Variants in ACACB observed in about 807,000 individuals in gnomAD.
The protein encoded by ACACB is acetyl-CoA carboxylase beta.
In ACACB, 209 loss-of-function variants were observed where a neutral mutation model predicts 278.8. The ratio of observed to expected loss-of-function variants is 0.75; its 90% CI spans 0.67 to 0.84. The LOEUF (loss-of-function observed/expected upper bound fraction) is 0.84. Among genes scored for constraint, ACACB ranks in the 40% least tolerant of loss-of-function variants. The pLI is 0.00. For synonymous variants in ACACB, 1,174 were observed against 1,285.6 expected (o/e 0.91, Z 1.86); for missense variants, 2,850 against 3,269.0 (o/e 0.87, Z 3.13).
At chr12:109,178,682 A>T (rs1010136490) in intron 9 of ACACB, among the ~76,000 whole-genome samples, 1 of 152,240 alleles carries the variant, frequency 6.6e-6, no homozygotes, top group African/African-American at 2.4e-5. Flanking sequence ...TGGAGGAAGT[A>T]TGAAAATATG....
At position 109,232,663 on chromosome 12, in the gene ACACB, T is replaced by C. The variant is rs3742027; in HGVS notation, c.4002-6T>C. ...GCCTCATCCCCGACTTGCCATCACC[T>C]TACAGGATGACCGTGCCCATCAGCA... On this transcript the variant is annotated splice_polypyrimidine_tract_variant and splice_region_variant and intron_variant, in intron 28 of 52. Coordinates refer to ENST00000338432, the MANE Select transcript of ACACB (RefSeq NM_001093.4). 0.89 allele frequency: 1,436,963 copies of C among 1,613,308 alleles called. 642,156 individuals are homozygous for C. The highest frequency in any genetic ancestry group is 0.98 in the African/African-American group (73,528 of 75,012).
At chr12:109,208,995 G>A (rs1011665539) in intron 20 of ACACB, among the ~76,000 whole-genome samples, 170 bp from the exon 21 acceptor site, 2 of 152,150 alleles carry the variant, frequency 1.3e-5, no homozygotes, top group African/African-American at 4.8e-5. Context: ...TTCCCCTGTG[G>A]TCAGGGGGCC....
In ACACB at chr12:109,209,373, GCCCC is replaced by G; in HGVS notation, c.3249+21_3249+24del. 1 of 1,595,622 alleles carries G rather than the reference GCCCC, an allele frequency of 6.3e-7. No homozygotes were observed. On this transcript the variant is annotated intron_variant, in intron 21 of 52. Transcript: ENST00000338432. ...CAGCAGGTGCGTGCTCCCCTGCCCA[GCCCC>G]ACCCCACCAGGATGGTCACACTGGG... is the stretch of plus-strand genomic sequence containing the variant.
intron 43 of ACACB, 70 bp from the exon 44 acceptor site, chr12:109,254,144 C>A: frequency 6.3e-7 from 1 of 1,576,036 alleles, no homozygotes; most frequent in East Asian, 2.3e-5. Context: ...GTCAGAGGAG[C>A]AAAGTGCTGA....
Position 109,180,850 on chromosome 12 carries a change from T to A in ACACB, c.1818+763T>A, listed in dbSNP as rs183690017. Reference sequence around the variant, plus strand: ...CCAATTATACTCTTTTAGTTAATTTTAAAATGTACAATAAATTATTGTTGA... The same window carrying A: ...CCAATTATACTCTTTTAGTTAATTTAAAAATGTACAATAAATTATTGTTGA... On this transcript the variant is annotated intron_variant, in intron 11 of 52. Coordinates refer to ENST00000338432, the MANE Select transcript of ACACB (RefSeq NM_001093.4). Among the ~76,000 whole-genome samples the A allele has an allele frequency of 6.6e-5, 10 of 152,346 alleles. No homozygotes were observed. In the South Asian group the frequency reaches 8.3e-4, roughly 13 times the overall value.
At chr12:109,202,630 T>A (rs1480773699) in intron 19 of ACACB, among the ~76,000 whole-genome samples, 1 of 152,204 alleles carries the variant, frequency 6.6e-6, no homozygotes, top group Non-Finnish European at 1.5e-5. Flanking sequence ...TAATTACTAT[T>A]GTTATCAATT....
intron 33 of ACACB, chr12:109,236,411 G>A (rs1197292717): frequency 6.6e-6 from 1 of 152,412 alleles, no homozygotes; most frequent in Non-Finnish European, 1.5e-5. Flanking sequence ...GTCTAGAACA[G>A]TGGTTGGCAA....
chr12:109,192,910 C>A lies in ACACB; in HGVS notation c.2400-738C>A, dbSNP rs535462257. Among the ~76,000 whole-genome samples the A allele has an allele frequency of 1.3e-4, 20 of 152,290 alleles. No homozygotes were observed. In the East Asian group the frequency reaches 3.9e-3, roughly 29 times the overall value. ...CAAACTCATGGCCTCAAGCAATCCT[C>A]CTGCCTCAACTCTGAAAGTGCTGAG... On this transcript the variant is annotated intron_variant, in intron 15 of 52. Transcript: ENST00000338432.
chr12:109,125,211 A>C (rs2042650069), intron 1 of ACACB: 1 of 152,164 alleles, frequency 6.6e-6, no homozygotes, highest in African/African-American at 2.4e-5. Context: ...GAGGGGTGTT[A>C]CGACCTTATG....
upstream of ACACB, among the ~76,000 whole-genome samples, chr12:109,112,728 T>C (rs887717035): frequency 8.6e-5 from 13 of 151,928 alleles, no homozygotes; most frequent in African/African-American, 2.7e-4. Flanking sequence ...GCAACTCATT[T>C]TGATGAACTC....
intron 50 of ACACB, 24 bp downstream of exon 50, chr12:109,264,410 G>C: frequency 6.2e-7 from 1 of 1,613,750 alleles, no homozygotes; most frequent in Non-Finnish European, 8.5e-7. Flanking sequence ...CTGCCGTGTA[G>C]GGTGCAAAGA....
chr12:109,160,060 A>C (rs528141538), intron 2 of ACACB, among the ~76,000 whole-genome samples: 65 of 150,836 alleles, frequency 4.3e-4, no homozygotes, highest in Non-Finnish European at 2.5e-4. Context: ...ACTTCACTCC[A>C]GCCTGGGTGA....
At position 109,241,116 on chromosome 12, in the gene ACACB, C is replaced by T. The variant is rs367710936; in HGVS notation, c.4857C>T (p.Gly1619=). Residue 1619 remains glycine, a synonymous_variant, in exon 36 of 53, where the codon GGC becomes GGT. Transcript: ENST00000338432. The part of the protein sequence containing the change: ...ESVRYMVMRY[G]SRLWKLRVLQ... ...TGCGCTACATGGTTATGCGCTACGG[C>T]AGCCGGCTGTGGAAACTCCGTGTGC... 29 of 1,614,050 alleles carry T rather than the reference C, an allele frequency of 1.8e-5. No homozygotes were observed. The highest frequency in any genetic ancestry group is 5.0e-5 in the Admixed American group (3 of 60,002).
intron 40 of ACACB, among the ~76,000 whole-genome samples, chr12:109,248,570 A>G (rs532944239): frequency 1.3e-5 from 2 of 152,204 alleles, no homozygotes; most frequent in East Asian, 1.9e-4. Context: ...GTTTGAGGGC[A>G]GGAAGCTTCC....
At chr12:109,237,121 C>CTG (rs748734354) in intron 33 of ACACB, 44 bp from the exon 34 acceptor site, 1 of 1,601,484 alleles carries the variant, frequency 6.2e-7, no homozygotes. Context: ...CAACGTCACG[C>CTG]TGTGTGTGTA....
intron 2 of ACACB, among the ~76,000 whole-genome samples, chr12:109,166,573 C>G (rs2043901362): frequency 7.1e-6 from 1 of 140,736 alleles, no homozygotes; most frequent in African/African-American, 2.6e-5. Flanking sequence ...CCCAGCTACC[C>G]AAGGAGGTCG....
intron 1 of ACACB, among the ~76,000 whole-genome samples, chr12:109,124,295 G>A (rs2042624000): frequency 6.6e-6 from 1 of 152,024 alleles, no homozygotes; most frequent in African/African-American, 2.4e-5. Context: ...TTGAAACTGG[G>A]TCATTTGTCC....
chr12:109,213,015 C>A, intron 22 of ACACB, 79 bp downstream of exon 22: 1 of 1,284,536 alleles, frequency 7.8e-7, no homozygotes, highest in Non-Finnish European at 1.1e-6. Flanking sequence ...TGCTCTGGGG[C>A]TGTCTTCAGG....
chr12:109,252,226 C>T (rs926990618), intron 42 of ACACB, 70 bp downstream of exon 42: 10 of 1,074,114 alleles, frequency 9.3e-6, no homozygotes, highest in African/African-American at 1.6e-5. Flanking sequence ...TCCCATTGGT[C>T]TCTGGTGGGG....
Sources: allele counts gnomAD v4.1 joint callset (sites outside exome capture counted in the v4.1 genomes callset), GRCh38; gene constraint gnomAD v4.1.1; transcripts MANE v1.5; gene names NCBI Gene and HGNC (gene_info 2026-07-23, HGNC 2026-07-21).